Variants in KCNT2 observed in about 807,000 individuals in gnomAD.
The protein encoded by KCNT2 is potassium sodium-activated channel subfamily T member 2.
Under a neutral mutation model 153.8 loss-of-function variants are expected in KCNT2, and 67 were observed. The observed-to-expected ratio is 0.44, with a 90% CI of 0.36 to 0.53. KCNT2 has a LOEUF of 0.53. KCNT2 is among the 20% of genes least tolerant of loss of function. The pLI, the probability that KCNT2 is intolerant of heterozygous loss-of-function variation, is 0.00. For synonymous variants in KCNT2, 500 were observed against 458.8 expected (o/e 1.09, Z -1.15); for missense variants, 975 against 1,354.8 (o/e 0.72, Z 4.40).
chr1:196,237,719 T>G (rs1352213470), intron 26 of KCNT2, among the ~76,000 whole-genome samples: 1 of 151,968 alleles, frequency 6.6e-6, no homozygotes, highest in East Asian at 1.9e-4. Flanking sequence ...TTATCAGAAA[T>G]TTAAGTTCCA....
chr1:196,356,568 G>A (rs1348576788), intron 14 of KCNT2, among the ~76,000 whole-genome samples: 2 of 151,694 alleles, frequency 1.3e-5, no homozygotes, highest in Non-Finnish European at 3.0e-5. Context: ...AGAGTTTTAA[G>A]GTATCTCTTA....
chr1:196,544,017 C>A (rs1656730145), intron 1 of KCNT2, among the ~76,000 whole-genome samples: 1 of 152,074 alleles, frequency 6.6e-6, no homozygotes, highest in Non-Finnish European at 1.5e-5. Flanking sequence ...ACTAGTTAAA[C>A]TATAGTACAT....
chr1:196,517,410 T>C (rs2148814604), intron 1 of KCNT2, among the ~76,000 whole-genome samples: 1 of 152,326 alleles, frequency 6.6e-6, no homozygotes, highest in South Asian at 2.1e-4. Context: ...ACAAGGGTTC[T>C]TAACCAGCCT....
chr1:196,378,845 T>A (rs552177953), intron 13 of KCNT2, among the ~76,000 whole-genome samples: 14 of 148,688 alleles, frequency 9.4e-5, no homozygotes, highest in Admixed American at 2.0e-4. Context: ...TATAATGTTA[T>A]GCATGGTTAC....
At chr1:196,321,340 C>T (rs959174540) in intron 19 of KCNT2, among the ~76,000 whole-genome samples, 2 of 151,812 alleles carry the variant, frequency 1.3e-5, no homozygotes, top group African/African-American at 2.4e-5. Flanking sequence ...AAAATCCCTT[C>T]GCCTGTGTCT....
At chr1:196,380,023 G>A (rs954919059) in intron 13 of KCNT2, among the ~76,000 whole-genome samples, 20 of 152,246 alleles carry the variant, frequency 1.3e-4, no homozygotes, top group Middle Eastern at 3.4e-3. Flanking sequence ...CTTTTAAAAC[G>A]TAAGTGGCAA....
chr1:196,571,907 A>G (rs1660821589), intron 1 of KCNT2, among the ~76,000 whole-genome samples: 1 of 152,110 alleles, frequency 6.6e-6, no homozygotes. Flanking sequence ...ATGTGCTTCC[A>G]TTCTGAAAAT....
chr1:196,398,746 A>T, intron 12 of KCNT2, 75 bp from the exon 13 acceptor site: 2 of 774,700 alleles, frequency 2.6e-6, no homozygotes, highest in Non-Finnish European at 2.1e-6. Flanking sequence ...GTAAGCAATC[A>T]GTTTGCTTGG....
chr1:196,337,686 C>T (rs1665170247), intron 16 of KCNT2, among the ~76,000 whole-genome samples: 1 of 152,100 alleles, frequency 6.6e-6, no homozygotes, highest in South Asian at 2.1e-4. Flanking sequence ...CTCCACAGGA[C>T]TAATTCCTCA....
Position 196,552,664 on chromosome 1 carries a change from T to C in KCNT2, c.95+55551A>G, listed in dbSNP as rs529483000. Among the ~76,000 whole-genome samples the C allele has an allele frequency of 5.3e-5, 8 of 151,658 alleles. 1 individual carries two copies. In the South Asian group the frequency reaches 1.7e-3, roughly 31 times the overall value. ...TTGTGGTGTGTAACTATGCTTGACTTAGGCAGAAAGACTAATTGATGAACC... is the reference window on the plus strand; with the variant it reads ...TTGTGGTGTGTAACTATGCTTGACTCAGGCAGAAAGACTAATTGATGAACC... On this transcript the variant is annotated intron_variant, in intron 1 of 27. Transcript: ENST00000294725.
chr1:196,465,197 T>C, intron 8 of KCNT2, 96 bp downstream of exon 8: 1 of 661,518 alleles, frequency 1.5e-6, no homozygotes, highest in Non-Finnish European at 2.6e-6. Context: ...TATTTATTTA[T>C]TGACAACTAT....
chr1:196,434,287 G>T (rs1009428628), intron 8 of KCNT2, among the ~76,000 whole-genome samples: 1 of 152,044 alleles, frequency 6.6e-6, no homozygotes, highest in Non-Finnish European at 1.5e-5. Flanking sequence ...CTAGAGAACA[G>T]AGAAGAAAGA....
intron 1 of KCNT2, among the ~76,000 whole-genome samples, chr1:196,510,248 C>G (rs1025963526): frequency 6.6e-6 from 1 of 152,002 alleles, no homozygotes; most frequent in Admixed American, 6.6e-5. Flanking sequence ...TAAATAGTGA[C>G]AATAACTTAT....
chr1:196,259,436 C>A (rs1207724522), intron 25 of KCNT2, among the ~76,000 whole-genome samples: 2 of 152,100 alleles, frequency 1.3e-5, no homozygotes, highest in Admixed American at 6.6e-5. Context: ...AAAACATGCA[C>A]ATGCAAATGA....
intron 14 of KCNT2, among the ~76,000 whole-genome samples, chr1:196,347,890 T>G (rs1304085580): frequency 1.3e-5 from 2 of 152,192 alleles, no homozygotes; most frequent in Admixed American, 6.6e-5. Context: ...TGTAGTGTAC[T>G]TCTCCTTTCA....
chr1:196,428,982 C>G (rs1488525579), intron 9 of KCNT2, among the ~76,000 whole-genome samples: 1 of 151,292 alleles, frequency 6.6e-6, no homozygotes, highest in South Asian at 2.1e-4. Context: ...CAAAGTGCCA[C>G]ATAATATTTA....
At chr1:196,319,655 T>C in intron 19 of KCNT2, 100 bp from the exon 20 acceptor site, 1 of 603,560 alleles carries the variant, frequency 1.7e-6, no homozygotes, top group Non-Finnish European at 2.9e-6. Flanking sequence ...TTTCCAAAAC[T>C]CAACACTGCT....
chr1:196,287,198 A>T (rs558427332), intron 22 of KCNT2, among the ~76,000 whole-genome samples: 20 of 152,204 alleles, frequency 1.3e-4, no homozygotes, highest in African/African-American at 4.1e-4. Context: ...TAATTTATAA[A>T]CCTAGGTGTG....
chr1:196,540,024 T>G (rs1309792125), intron 1 of KCNT2, among the ~76,000 whole-genome samples: 1 of 152,114 alleles, frequency 6.6e-6, no homozygotes, highest in Non-Finnish European at 1.5e-5. Context: ...ATTTGAAGAA[T>G]TATAAAGTGA....
Sources: allele counts gnomAD v4.1 joint callset (sites outside exome capture counted in the v4.1 genomes callset), GRCh38; gene constraint gnomAD v4.1.1; transcripts MANE v1.5; gene names NCBI Gene and HGNC (gene_info 2026-07-23, HGNC 2026-07-21).